Variants in PLCG2 observed in about 807,000 individuals in gnomAD.
PLCG2 encodes the protein phospholipase C gamma 2, also known as 1-phosphatidylinositol 4,5-bisphosphate phosphodiesterase gamma-2.
Under a neutral mutation model 175.6 loss-of-function variants are expected in PLCG2, and 69 were observed. That is an observed-to-expected ratio of 0.39 (90% CI 0.32 to 0.48). PLCG2 has a LOEUF of 0.48. PLCG2 is among the 20% of genes least tolerant of loss of function. The probability of loss-of-function intolerance (pLI) is 0.91; values close to 1 mark genes in which losing one functional copy is unlikely to be tolerated. For synonymous variants in PLCG2, 827 were observed against 624.0 expected, an observed-to-expected ratio of 1.33 and a Z score of -4.85; for missense variants, 1,798 against 1,650.9, an observed-to-expected ratio of 1.09 and a Z score of -1.54.
chr16:81,792,757 G>A (rs969317373), intron 2 of PLCG2, among the ~76,000 whole-genome samples: 1 of 152,036 alleles, frequency 6.6e-6, no homozygotes, highest in African/African-American at 2.4e-5. Context: ...CAGCATGGAG[G>A]TAACCGGCCC....
rs112896285 is a variant in PLCG2 at position 81,745,193 on chromosome 16, A to G, written c.-145+5808A>G. ...GTAACCCAGCCCAAGATTCAATCTTAATCGGTCTAAGCCAGTGGTGGCATT... is the reference window on the plus strand; with the variant it reads ...GTAACCCAGCCCAAGATTCAATCTTGATCGGTCTAAGCCAGTGGTGGCATT... On this transcript the variant is annotated intron_variant, in intron 1 of 5. Transcript: ENST00000565054. 4.0e-3 allele frequency among the ~76,000 whole-genome samples: 604 copies of G among 152,324 alleles called. 4 individuals carry two copies. The highest frequency in any genetic ancestry group is 0.014 in the African/African-American group (576 of 41,570).
At chr16:81,793,907 C>G (rs1464157849) in intron 2 of PLCG2, among the ~76,000 whole-genome samples, 1 of 152,216 alleles carries the variant, frequency 6.6e-6, no homozygotes, top group African/African-American at 2.4e-5. Context: ...CAGTTTCAGT[C>G]TCAAGTCTTC....
chr16:81,800,627 T>G (rs1248677348), intron 2 of PLCG2, among the ~76,000 whole-genome samples: 1 of 152,170 alleles, frequency 6.6e-6, no homozygotes, highest in Non-Finnish European at 1.5e-5. Flanking sequence ...GATGGGCATT[T>G]GGGTTGATTC....
chr16:81,762,142 A>G (rs577595839), intron 2 of PLCG2, among the ~76,000 whole-genome samples: 2 of 152,050 alleles, frequency 1.3e-5, no homozygotes, highest in South Asian at 4.1e-4. Context: ...GCCCCTGAAC[A>G]TTTACTCTGT....
At chr16:81,796,907 C>T (rs1911493889) in intron 2 of PLCG2, among the ~76,000 whole-genome samples, 1 of 152,186 alleles carries the variant, frequency 6.6e-6, no homozygotes. Flanking sequence ...AGGCCTAACA[C>T]ACAAATACAC....
chr16:81,778,771 G>A (rs1910575486), upstream of PLCG2, among the ~76,000 whole-genome samples: 1 of 152,058 alleles, frequency 6.6e-6, no homozygotes, highest in Non-Finnish European at 1.5e-5. Flanking sequence ...CCATGAATTG[G>A]CAATTCCTGG....
Position 81,958,546 on chromosome 16 carries a change from G to T in PLCG2, c.*548G>T, listed in dbSNP as rs1911665623. The T allele has an allele frequency of 8.7e-6, 2 of 231,116 alleles. No individual in the cohort carries two copies. The highest frequency in any genetic ancestry group is 1.7e-5 in the Non-Finnish European group (2 of 116,880). 14.3% of individuals were successfully genotyped at this position (231,116 alleles called of 1,614,324 possible). On this transcript the variant is annotated 3_prime_UTR_variant, in exon 33 of 33. Transcript: ENST00000564138. ...CTTTAACTACCACCGGCTGCCTGCTGCAGTCCACAAGAAAATGGCTGAGTG... is the reference window on the plus strand; with the variant it reads ...CTTTAACTACCACCGGCTGCCTGCTTCAGTCCACAAGAAAATGGCTGAGTG...
At chr16:81,838,356 G>C (rs1905636067) in intron 2 of PLCG2, among the ~76,000 whole-genome samples, 1 of 152,118 alleles carries the variant, frequency 6.6e-6, no homozygotes. Context: ...CAAAGTGCTG[G>C]GATTACAGGC....
intron 7 of PLCG2, among the ~76,000 whole-genome samples, chr16:81,873,941 A>G (rs897806520): frequency 2.0e-5 from 3 of 152,084 alleles, no homozygotes; most frequent in African/African-American, 7.2e-5. Context: ...GTTTGTGTCT[A>G]TGAGGGAGAA....
At chr16:81,942,134 G>C (rs1231352752) in intron 30 of PLCG2, among the ~76,000 whole-genome samples, 3 of 152,106 alleles carry the variant, frequency 2.0e-5, no homozygotes, top group African/African-American at 4.8e-5. Flanking sequence ...AACTCATCCA[G>C]CAGAGAGGGG....
At chr16:81,822,120 G>C (rs1904826426) in intron 2 of PLCG2, among the ~76,000 whole-genome samples, 1 of 152,120 alleles carries the variant, frequency 6.6e-6, no homozygotes. Flanking sequence ...TTTATCCTCT[G>C]TGCTTGCCCT....
chr16:81,940,180 G>A (rs1417302529), intron 30 of PLCG2, 121 bp downstream of exon 30: 5 of 850,190 alleles, frequency 5.9e-6, no homozygotes, highest in East Asian at 2.6e-5. Flanking sequence ...CTGTAAAACC[G>A]ATTGGGTGGC....
chr16:81,757,970 CTGTTT>C (rs1276695027), intron 2 of PLCG2, among the ~76,000 whole-genome samples: 2 of 151,846 alleles, frequency 1.3e-5, no homozygotes, highest in Admixed American at 6.6e-5. Context: ...GTTATTGTTG[CTGTTT>C]TGTTTTGTTT....
intron 13 of PLCG2, among the ~76,000 whole-genome samples, chr16:81,899,289 T>TATATATACAC (rs908648451): frequency 7.6e-5 from 7 of 92,468 alleles, no homozygotes; most frequent in African/African-American, 2.6e-4. Flanking sequence ...TATATATATA[T>TATATATACAC]ACACACACAC....
chr16:81,876,304 T>C (rs1255596012), intron 7 of PLCG2, among the ~76,000 whole-genome samples: 1 of 152,186 alleles, frequency 6.6e-6, no homozygotes, highest in Non-Finnish European at 1.5e-5. Context: ...ATTATAGACA[T>C]GAGCCACTGT....
intron 31 of PLCG2, among the ~76,000 whole-genome samples, chr16:81,953,687 C>A (rs377139581): frequency 6.6e-6 from 1 of 152,244 alleles, no homozygotes; most frequent in East Asian, 1.9e-4. Flanking sequence ...AGTGGTGGTT[C>A]CTCAAGTCAA....
At chr16:81,800,262 A>C (rs1006521876) in intron 2 of PLCG2, among the ~76,000 whole-genome samples, 4 of 152,332 alleles carry the variant, frequency 2.6e-5, no homozygotes, top group Admixed American at 2.0e-4. Context: ...TGTGGGATAC[A>C]TAGGTAAGCG....
intron 19 of PLCG2, among the ~76,000 whole-genome samples, chr16:81,913,820 C>T (rs1431459070): frequency 6.6e-6 from 1 of 152,178 alleles, no homozygotes; most frequent in Non-Finnish European, 1.5e-5. Context: ...CAGGCTGCCC[C>T]CTGGGCGTTT....
chr16:81,947,767 T>G (rs1202500043), intron 31 of PLCG2, among the ~76,000 whole-genome samples: 1 of 152,232 alleles, frequency 6.6e-6, no homozygotes, highest in Non-Finnish European at 1.5e-5. Flanking sequence ...TATGTTTGTT[T>G]AGTTTATAAA....
Sources: allele counts gnomAD v4.1 joint callset (sites outside exome capture counted in the v4.1 genomes callset), GRCh38; gene constraint gnomAD v4.1.1; transcripts MANE v1.5; gene names NCBI Gene and HGNC (gene_info 2026-07-23, HGNC 2026-07-21).